DCDC1: variants seen among roughly 807,000 people sequenced by gnomAD.
DCDC1 encodes doublecortin domain-containing protein 1.
DCDC1 carries 200 observed loss-of-function variants against 178.3 expected under a neutral mutation model. The observed-to-expected ratio is 1.12, with a 90% CI of 1.00 to 1.26. The LOEUF (loss-of-function observed/expected upper bound fraction) is 1.26, where lower values mean the gene tolerates loss of function less well. Ranked by LOEUF, DCDC1 falls within the 50% of genes most tolerant of loss-of-function variation. The pLI, the probability that DCDC1 is intolerant of heterozygous loss-of-function variation, is 0.00. For synonymous variants in DCDC1, 690 were observed against 604.8 expected, an observed-to-expected ratio of 1.14 and a Z score of -2.07; for missense variants, 1,983 against 1,749.2, an observed-to-expected ratio of 1.13 and a Z score of -2.38.
intron 9 of DCDC1, among the ~76,000 whole-genome samples, chr11:31,210,875 C>T (rs1972448949): frequency 1.3e-5 from 2 of 152,142 alleles, no homozygotes; most frequent in African/African-American, 2.4e-5. Flanking sequence ...GGATATCTTA[C>T]TCACATTCAC....
At chr11:31,019,865 C>T (rs2135191606) in intron 20 of DCDC1, among the ~76,000 whole-genome samples, 1 of 152,242 alleles carries the variant, frequency 6.6e-6, no homozygotes, top group Non-Finnish European at 1.5e-5. Context: ...CCAGAGCACA[C>T]ATTCACCGGA....
chr11:31,070,771 G>A (rs567421258), intron 18 of DCDC1, among the ~76,000 whole-genome samples: 2 of 152,214 alleles, frequency 1.3e-5, no homozygotes, highest in African/African-American at 4.8e-5. Flanking sequence ...TGGAGGAGAT[G>A]GATCATCTCC....
At chr11:31,242,986 ATCT>A (rs1009147544) in intron 8 of DCDC1, among the ~76,000 whole-genome samples, 2 of 151,878 alleles carry the variant, frequency 1.3e-5, no homozygotes, top group African/African-American at 2.4e-5. Context: ...CTATTGAAAC[ATCT>A]TCTTAGATGT....
intron 8 of DCDC1, among the ~76,000 whole-genome samples, chr11:31,248,902 C>T (rs1943766617): frequency 6.6e-6 from 1 of 152,058 alleles, no homozygotes; most frequent in Non-Finnish European, 1.5e-5. Context: ...ATGCTGAGAG[C>T]TATGTAAGAC....
At chr11:31,036,447 C>A (rs1048560101) in intron 20 of DCDC1, among the ~76,000 whole-genome samples, 2 of 152,084 alleles carry the variant, frequency 1.3e-5, no homozygotes, top group Non-Finnish European at 2.9e-5. Context: ...AAGCCCTGAC[C>A]CACCTATGTC....
At chr11:31,012,575 G>C (rs184399232) in intron 20 of DCDC1, among the ~76,000 whole-genome samples, 2 of 150,586 alleles carry the variant, frequency 1.3e-5, no homozygotes, top group African/African-American at 2.4e-5. Flanking sequence ...ATTGCATTCC[G>C]GCCTGGGTGA....
chr11:30,889,778 A>G (rs1943613406), intron 36 of DCDC1, among the ~76,000 whole-genome samples: 1 of 152,220 alleles, frequency 6.6e-6, no homozygotes, highest in African/African-American at 2.4e-5. Flanking sequence ...CATTGTTTTC[A>G]CCATGCCATT....
chr11:31,126,917 G>A (rs932499525), intron 11 of DCDC1, among the ~76,000 whole-genome samples: 3 of 152,164 alleles, frequency 2.0e-5, no homozygotes, highest in African/African-American at 7.2e-5. Flanking sequence ...GACATTTAGC[G>A]ATCTTGTCCT....
chr11:31,107,211 C>T (rs953409406), intron 12 of DCDC1, among the ~76,000 whole-genome samples: 7 of 152,100 alleles, frequency 4.6e-5, no homozygotes, highest in African/African-American at 1.4e-4. Context: ...CCCTTTGGCA[C>T]GGGGACTGAA....
chr11:31,115,867 T>C (rs547418570), intron 11 of DCDC1, among the ~76,000 whole-genome samples: 1 of 151,932 alleles, frequency 6.6e-6, no homozygotes, highest in Non-Finnish European at 1.5e-5. Flanking sequence ...CCTTTGCATC[T>C]GTGTACCAAC....
intron 1 of DCDC1, among the ~76,000 whole-genome samples, chr11:31,350,656 G>C (rs1461742914): frequency 6.6e-6 from 1 of 152,080 alleles, no homozygotes; most frequent in East Asian, 1.9e-4. Context: ...ACAAGTATCA[G>C]AAACAATATG....
chr11:31,212,619 T>G (rs188541610), intron 9 of DCDC1, among the ~76,000 whole-genome samples: 1 of 152,090 alleles, frequency 6.6e-6, no homozygotes, highest in Non-Finnish European at 1.5e-5. Context: ...CAAATGAGAT[T>G]TTTTTAAATC....
chr11:31,278,200 C>T (rs1245046002), intron 7 of DCDC1, among the ~76,000 whole-genome samples: 2 of 152,112 alleles, frequency 1.3e-5, no homozygotes, highest in African/African-American at 4.8e-5. Context: ...ATGTGTGGGT[C>T]TATTTCTGAA....
intron 20 of DCDC1, among the ~76,000 whole-genome samples, chr11:31,022,741 CGTGTGTGT>C (rs143601035): frequency 1.6e-4 from 20 of 127,588 alleles, no homozygotes; most frequent in African/African-American, 5.9e-4. Context: ...ATAAATTATT[CGTGTGTGT>C]GTGTGTGTGT....
At chr11:31,077,211 T>A (rs1956916057) in intron 18 of DCDC1, among the ~76,000 whole-genome samples, 1 of 152,140 alleles carries the variant, frequency 6.6e-6, no homozygotes, top group Admixed American at 6.5e-5. Context: ...GTCTTAGAAA[T>A]GAGAAACAGA....
At position 31,106,832 on chromosome 11, in the gene DCDC1, C is replaced by G. The variant is rs377647904; in HGVS notation, c.1716G>C (p.Glu572Asp). Residue 572 changes from glutamate (E) to aspartate (D), a missense_variant, in exon 13 of 39, where the codon GAG becomes GAC. By Grantham distance (45) the Glu-to-Asp change is conservative. Coordinates refer to ENST00000684477, the MANE Select transcript of DCDC1 (RefSeq NM_001387274.1). ...EIKNPLSLKN[E>D]QKIWVSYGRA... is the part of the protein sequence containing the mutation. ...TACCATAAGAGACCCAAATTTTTTG[C>G]TCATTCTTCAGCGAAAGTGGATTCT... 2 of 766,096 alleles carry G rather than the reference C, an allele frequency of 2.6e-6. No individual in the cohort carries two copies. The highest frequency in any genetic ancestry group is 1.7e-5 in the Admixed American group (1 of 58,968). The allele number at this position is 766,096 out of a possible 1,614,324, so 47.5% of individuals were successfully genotyped here. A position where few individuals can be genotyped will look rare whatever the true frequency, so the allele number is the denominator to read the frequency against.
chr11:30,955,496 C>A (rs1948717795), intron 20 of DCDC1, among the ~76,000 whole-genome samples: 1 of 152,152 alleles, frequency 6.6e-6, no homozygotes, highest in Admixed American at 6.5e-5. Flanking sequence ...AAGACTTTAA[C>A]CCCTTTTCAA....
chr11:30,876,810 T>C (rs892755183), intron 38 of DCDC1, among the ~76,000 whole-genome samples: 1 of 152,034 alleles, frequency 6.6e-6, no homozygotes, highest in Non-Finnish European at 1.5e-5. Context: ...AACAAAAAAT[T>C]GTCTATAGAA....
intron 20 of DCDC1, among the ~76,000 whole-genome samples, chr11:31,005,390 G>A (rs868346766): frequency 6.6e-6 from 1 of 152,166 alleles, no homozygotes; most frequent in East Asian, 1.9e-4. Flanking sequence ...CTTTGTTGGG[G>A]CCCAGGGCAC....
Sources: gnomAD v4.1 joint callset for allele counts (sites outside exome capture counted in the v4.1 genomes callset) on GRCh38, gnomAD v4.1.1 for gene constraint, MANE v1.5 for transcripts, NCBI Gene and HGNC (gene_info 2026-07-23, HGNC 2026-07-21) for gene names.